Variants in FCHSD2 observed in about 807,000 individuals in gnomAD.
FCHSD2 encodes the protein FCH and double SH3 domains 2.
FCHSD2 carries 38 observed loss-of-function variants against 108.1 expected under a neutral mutation model. The ratio of observed to expected loss-of-function variants is 0.35; its 90% confidence interval spans 0.27 to 0.46. FCHSD2 has a LOEUF of 0.46. Ranked by LOEUF, FCHSD2 falls within the 20% of genes least tolerant of loss-of-function variation. The pLI is 1.00. For synonymous variants in FCHSD2, 279 were observed against 314.7 expected, an observed-to-expected ratio of 0.89 and a Z score of 1.20; for missense variants, 751 against 897.8, an observed-to-expected ratio of 0.84 and a Z score of 2.09.
At chr11:73,014,555 A>T (rs958856897) in intron 4 of FCHSD2, among the ~76,000 whole-genome samples, 9 of 152,140 alleles carry the variant, frequency 5.9e-5, no homozygotes, top group African/African-American at 2.2e-4. Flanking sequence ...TTCTTATCAT[A>T]TATCCTTCAG....
chr11:72,969,193 A>C (rs185681239), intron 8 of FCHSD2, among the ~76,000 whole-genome samples: 100 of 152,342 alleles, frequency 6.6e-4, no homozygotes, highest in African/African-American at 2.4e-3. Context: ...CAGTGTTAAC[A>C]GTCTACCTAC....
chr11:72,996,783 ATAC>A (rs1857525972), intron 5 of FCHSD2, among the ~76,000 whole-genome samples: 1 of 152,210 alleles, frequency 6.6e-6, no homozygotes, highest in African/African-American at 2.4e-5. Context: ...GTTGAACAAA[ATAC>A]ATTTTTAAAA....
intron 2 of FCHSD2, among the ~76,000 whole-genome samples, chr11:73,113,628 A>C (rs1206913236): frequency 7.9e-5 from 12 of 151,952 alleles, no homozygotes; most frequent in Non-Finnish European, 8.8e-5. Flanking sequence ...GGCATTGAAG[A>C]GTTTGGTATT....
intron 9 of FCHSD2, among the ~76,000 whole-genome samples, chr11:72,905,429 T>C (rs1437275420): frequency 2.0e-5 from 3 of 152,164 alleles, no homozygotes; most frequent in Non-Finnish European, 4.4e-5. Flanking sequence ...TTACAAAAAA[T>C]CCAATTATAC....
intron 3 of FCHSD2, among the ~76,000 whole-genome samples, chr11:73,021,168 T>C (rs1236061083): frequency 6.6e-6 from 1 of 151,924 alleles, no homozygotes; most frequent in East Asian, 1.9e-4. Flanking sequence ...CAGGCCACTG[T>C]GTCTGGCCTA....
intron 2 of FCHSD2, among the ~76,000 whole-genome samples, chr11:73,135,641 A>T (rs1221987052): frequency 6.6e-6 from 1 of 152,228 alleles, no homozygotes. Flanking sequence ...TACTGCTGAT[A>T]GCAAAAGTCA....
chr11:72,868,983 T>C (rs1411145694), intron 12 of FCHSD2, among the ~76,000 whole-genome samples: 1 of 152,094 alleles, frequency 6.6e-6, no homozygotes, highest in Non-Finnish European at 1.5e-5. Flanking sequence ...CTTGGCTCAC[T>C]GCAACCTTCA....
At chr11:72,942,537 G>T (rs1352357046) in intron 8 of FCHSD2, among the ~76,000 whole-genome samples, 1 of 152,178 alleles carries the variant, frequency 6.6e-6, no homozygotes, top group Non-Finnish European at 1.5e-5. Flanking sequence ...GGAAAGATTA[G>T]AAGGATATGC....
intron 4 of FCHSD2, among the ~76,000 whole-genome samples, chr11:73,007,048 C>T (rs866011457): frequency 4.6e-5 from 7 of 152,258 alleles, no homozygotes; most frequent in African/African-American, 1.7e-4. Flanking sequence ...TTGTACACAT[C>T]ATCTACTATT....
intron 12 of FCHSD2, among the ~76,000 whole-genome samples, chr11:72,872,464 C>T (rs184235898): frequency 3.3e-5 from 5 of 152,194 alleles, no homozygotes; most frequent in African/African-American, 1.2e-4. Context: ...CTATTCCCTG[C>T]AGTCTTGACA....
chr11:73,026,871 G>A (rs140260667), intron 3 of FCHSD2, among the ~76,000 whole-genome samples: 8 of 152,168 alleles, frequency 5.3e-5, no homozygotes, highest in Admixed American at 3.9e-4. Context: ...TCTCTCCTGC[G>A]ACCATGTAAG....
chr11:73,027,644 G>A (rs563361656), intron 3 of FCHSD2, among the ~76,000 whole-genome samples: 40 of 152,364 alleles, frequency 2.6e-4, no homozygotes, highest in Middle Eastern at 6.8e-3. Flanking sequence ...GAAGCCAAAT[G>A]TTAATAGCCA....
At chr11:73,034,731 C>A (rs936023564) in intron 3 of FCHSD2, among the ~76,000 whole-genome samples, 1 of 152,042 alleles carries the variant, frequency 6.6e-6, no homozygotes, top group Non-Finnish European at 1.5e-5. Flanking sequence ...AAATGACCTG[C>A]AAATTTTAAA....
chr11:72,968,946 G>T (rs1347805877), intron 8 of FCHSD2, among the ~76,000 whole-genome samples: 3 of 152,162 alleles, frequency 2.0e-5, no homozygotes, highest in African/African-American at 7.2e-5. Context: ...AAACTGATAG[G>T]TAATAATATT....
intron 3 of FCHSD2, among the ~76,000 whole-genome samples, chr11:73,030,216 A>C (rs1858326493): frequency 6.6e-6 from 1 of 152,192 alleles, no homozygotes; most frequent in African/African-American, 2.4e-5. Context: ...GTGTGTGGGT[A>C]ATCACAGTAT....
At chr11:73,072,082 CACT>C (rs1266091065) in intron 3 of FCHSD2, among the ~76,000 whole-genome samples, 1 of 151,444 alleles carries the variant, frequency 6.6e-6, no homozygotes, top group East Asian at 1.9e-4. Context: ...ATACGCAGAC[CACT>C]ATGTCCTGTA....
chr11:73,021,590 GA>G (rs1858106467), intron 3 of FCHSD2, among the ~76,000 whole-genome samples: 4 of 151,966 alleles, frequency 2.6e-5, no homozygotes, highest in African/African-American at 9.7e-5. Flanking sequence ...AGAGGATCAG[GA>G]AAAATAATTA....
intron 3 of FCHSD2, among the ~76,000 whole-genome samples, chr11:73,074,410 T>C (rs1250303295): frequency 1.3e-5 from 2 of 152,102 alleles, no homozygotes; most frequent in African/African-American, 2.4e-5. Flanking sequence ...AATATCCACA[T>C]AGAAAATGAA....
At chr11:72,937,381 A>G (rs1856324537) in intron 8 of FCHSD2, among the ~76,000 whole-genome samples, 2 of 152,232 alleles carry the variant, frequency 1.3e-5, no homozygotes, top group African/African-American at 4.8e-5. Flanking sequence ...ACATCAAAGT[A>G]TTGAACTGAC....
Sources: allele counts gnomAD v4.1 joint callset (sites outside exome capture counted in the v4.1 genomes callset), GRCh38; gene constraint gnomAD v4.1.1; transcripts MANE v1.5; gene names NCBI Gene and HGNC (gene_info 2026-07-23, HGNC 2026-07-21).